Variants in VTI1A observed in about 807,000 individuals in gnomAD.
The protein encoded by VTI1A is vesicle transport through interaction with t-SNAREs homolog 1A.
Under a neutral mutation model 34.9 loss-of-function variants are expected in VTI1A, and 22 were observed. That is an observed-to-expected ratio of 0.63 (90% CI 0.45 to 0.90). The LOEUF (loss-of-function observed/expected upper bound fraction) is 0.90. VTI1A is among the 40% of genes least tolerant of loss of function. VTI1A has a pLI of 0.00. For missense variants in VTI1A, 268 were observed against 275.6 expected, an observed-to-expected ratio of 0.97 and a Z score of 0.20; for synonymous variants, 87 against 97.3, an observed-to-expected ratio of 0.89 and a Z score of 0.62.
intron 3 of VTI1A, among the ~76,000 whole-genome samples, chr10:112,500,179 G>A (rs1250243410): frequency 1.3e-5 from 2 of 152,148 alleles, no homozygotes; most frequent in African/African-American, 4.8e-5. Context: ...ACTCATGCCT[G>A]TAATCCCAGC....
intron 3 of VTI1A, among the ~76,000 whole-genome samples, chr10:112,494,105 A>G (rs1848930675): frequency 6.6e-6 from 1 of 152,170 alleles, no homozygotes; most frequent in Non-Finnish European, 1.5e-5. Flanking sequence ...CTGTGTGAAA[A>G]GATTGTTTTA....
chr10:112,617,423 T>C (rs1336932060), intron 5 of VTI1A, among the ~76,000 whole-genome samples: 1 of 152,078 alleles, frequency 6.6e-6, no homozygotes, highest in South Asian at 2.1e-4. Context: ...AGAAGGAAGA[T>C]AGAAGATATA....
intron 3 of VTI1A, among the ~76,000 whole-genome samples, chr10:112,468,325 T>C (rs1445924230): frequency 6.6e-6 from 1 of 152,208 alleles, no homozygotes; most frequent in Non-Finnish European, 1.5e-5. Flanking sequence ...AACTCCCTTG[T>C]TTTAATCATT....
At chr10:112,772,903 C>G (rs1851854398) in intron 7 of VTI1A, among the ~76,000 whole-genome samples, 1 of 152,190 alleles carries the variant, frequency 6.6e-6, no homozygotes, top group South Asian at 2.1e-4. Flanking sequence ...ATAGGTCATT[C>G]AGAGCAGAAC....
chr10:112,471,212 C>T (rs368778373), intron 3 of VTI1A, among the ~76,000 whole-genome samples: 288 of 152,152 alleles, frequency 1.9e-3, no homozygotes, highest in Middle Eastern at 3.4e-3. Flanking sequence ...GACTAAATAC[C>T]TGTTTAAAGG....
intron 3 of VTI1A, among the ~76,000 whole-genome samples, chr10:112,504,897 A>C (rs1203146689): frequency 2.0e-5 from 3 of 149,260 alleles, no homozygotes; most frequent in Admixed American, 6.7e-5. Context: ...ATGTCTTTTT[A>C]TATGTTTTCA....
In VTI1A at chr10:112,731,542, T is replaced by A. The variant is rs940409181; in HGVS notation, c.560+62544T>A. Among the ~76,000 whole-genome samples, 5 of 142,042 alleles carry A rather than the reference T, an allele frequency of 3.5e-5. No homozygotes were observed. In the East Asian group the frequency reaches 1.0e-3, roughly 29 times the overall value. 93.2% of individuals were successfully genotyped at this position (142,042 alleles called of 152,430 possible). A position where few individuals can be genotyped will look rare whatever the true frequency, so the allele number is the denominator to read the frequency against. ...GTGAGCCGAGATCGTGCCACTACAC[T>A]CCAGCCTGGGCAACAAGAGTGAAAC... On this transcript the variant is annotated intron_variant, in intron 7 of 7. Transcript: ENST00000393077.
At chr10:112,526,010 C>A (rs1359503296) in intron 3 of VTI1A, among the ~76,000 whole-genome samples, 3 of 152,128 alleles carry the variant, frequency 2.0e-5, no homozygotes, top group Non-Finnish European at 4.4e-5. Flanking sequence ...AAACTCTAGA[C>A]CCCCAAGTGA....
At chr10:112,781,692 T>C (rs796694138) in intron 7 of VTI1A, among the ~76,000 whole-genome samples, 1 of 151,870 alleles carries the variant, frequency 6.6e-6, no homozygotes, top group African/African-American at 2.4e-5. Context: ...AAAACAAAAA[T>C]TAGTGGGGTG....
rs67154330 is a variant in VTI1A, at chr10:112,811,712, A to AAAAAAAAAAAAAAAAAAAAT, written c.561-3578_561-3577insAAAAAAAAAAAAAAAAAAAT. ...AAAAAAAAAAAAAAAAAAAAAAAAA[A>AAAAAAAAAAAAAAAAAAAAT]GAGTGCAGTCCATGCCTGGAAGTAG... On this transcript the variant is annotated intron_variant, in intron 7 of 7. Coordinates refer to ENST00000393077, the MANE Select transcript of VTI1A (RefSeq NM_145206.4). 2.4e-5 allele frequency among the ~76,000 whole-genome samples: 2 copies of AAAAAAAAAAAAAAAAAAAAT among 84,066 alleles called. 1 individual carries two copies. Among genetic ancestry groups the AAAAAAAAAAAAAAAAAAAAT allele is most frequent in the African/African-American group, 9.5e-5 (2 of 21,062 alleles). 55.2% of individuals were successfully genotyped at this position (84,066 alleles called of 152,430 possible).
intron 7 of VTI1A, among the ~76,000 whole-genome samples, chr10:112,797,001 G>C (rs1404492978): frequency 6.6e-6 from 1 of 152,146 alleles, no homozygotes; most frequent in Non-Finnish European, 1.5e-5. Flanking sequence ...AGTCAAAACT[G>C]TTGTCTGAAA....
chr10:112,843,063 C>T, the VTI1A span, among the ~76,000 whole-genome samples: 6 of 152,218 alleles, frequency 3.9e-5, no homozygotes, highest in Non-Finnish European at 7.3e-5. Flanking sequence ...GCTGGAAGCA[C>T]CAGAGCATGC....
At chr10:112,692,205 C>G (rs564027403) in intron 7 of VTI1A, among the ~76,000 whole-genome samples, 39 of 152,336 alleles carry the variant, frequency 2.6e-4, no homozygotes, top group Admixed American at 9.1e-4. Context: ...ATATGTCTCC[C>G]TATCTGTGCA....
intron 5 of VTI1A, among the ~76,000 whole-genome samples, chr10:112,583,060 A>G (rs1844010870): frequency 6.6e-6 from 1 of 152,184 alleles, no homozygotes; most frequent in Non-Finnish European, 1.5e-5. Context: ...TTCATGTTTC[A>G]TGTCTTATAT....
intron 5 of VTI1A, among the ~76,000 whole-genome samples, chr10:112,631,078 G>T (rs1417976130): frequency 1.3e-5 from 2 of 151,774 alleles, no homozygotes; most frequent in African/African-American, 4.8e-5. Flanking sequence ...GCAGTGAGCC[G>T]AGATCGCGCC....
intron 5 of VTI1A, among the ~76,000 whole-genome samples, chr10:112,628,513 A>G (rs17267338): frequency 0.051 from 7,823 of 152,274 alleles, 269 homozygotes; most frequent in Non-Finnish European, 0.077. Context: ...TGGGCCATCA[A>G]AGAATCCTAA....
chr10:112,749,851 T>A (rs1164156940), intron 7 of VTI1A, among the ~76,000 whole-genome samples: 1 of 152,192 alleles, frequency 6.6e-6, no homozygotes, highest in East Asian at 1.9e-4. Context: ...AGAAGCAACA[T>A]AAATGTTCAT....
At chr10:112,802,350 T>C (rs1051391695) in intron 7 of VTI1A, among the ~76,000 whole-genome samples, 2 of 152,184 alleles carry the variant, frequency 1.3e-5, no homozygotes, top group African/African-American at 2.4e-5. Flanking sequence ...CTAGTAAAGA[T>C]TCTAAGACAC....
At chr10:112,645,235 T>G (rs1022366321) in intron 5 of VTI1A, among the ~76,000 whole-genome samples, 2 of 152,196 alleles carry the variant, frequency 1.3e-5, no homozygotes, top group Non-Finnish European at 2.9e-5. Context: ...GCTTAAATTT[T>G]CCCCCAGAAT....
Sources: gnomAD v4.1 joint callset for allele counts (sites outside exome capture counted in the v4.1 genomes callset) on GRCh38, gnomAD v4.1.1 for gene constraint, MANE v1.5 for transcripts, NCBI Gene and HGNC (gene_info 2026-07-23, HGNC 2026-07-21) for gene names.